MACROD2: variants seen among roughly 807,000 people sequenced by gnomAD.
The protein encoded by MACROD2 is mono-ADP ribosylhydrolase 2.
A neutral mutation model predicts 70.4 loss-of-function variants in MACROD2; 36 were observed. That is an observed-to-expected ratio of 0.51 (90% CI 0.39 to 0.68). The LOEUF (loss-of-function observed/expected upper bound fraction) is 0.68, where lower values mean the gene tolerates loss of function less well. MACROD2 is among the 30% of genes least tolerant of loss of function. The pLI, the probability that MACROD2 is intolerant of heterozygous loss-of-function variation, is 0.00. For synonymous variants in MACROD2, 172 were observed against 178.8 expected, an observed-to-expected ratio of 0.96 and a Z score of 0.30; for missense variants, 496 against 538.4, an observed-to-expected ratio of 0.92 and a Z score of 0.78.
chr20:15,564,825 A>T (rs1383217500), intron 8 of MACROD2, among the ~76,000 whole-genome samples: 1 of 152,216 alleles, frequency 6.6e-6, no homozygotes, highest in Admixed American at 6.5e-5. Flanking sequence ...TTGAACAATG[A>T]CAATAAGTTA....
At chr20:15,048,185 A>G (rs543561294) in intron 5 of MACROD2, among the ~76,000 whole-genome samples, 1 of 152,222 alleles carries the variant, frequency 6.6e-6, no homozygotes, top group South Asian at 2.1e-4. Context: ...CTGAAGCATG[A>G]GAATTGCTTG....
At position 15,666,068 on chromosome 20, in the gene MACROD2, G is replaced by C. The variant is rs190323775; in HGVS notation, c.645+166221G>C. 2.1e-3 allele frequency among the ~76,000 whole-genome samples: 313 copies of C among 152,166 alleles called. 2 individuals carry two copies. Among genetic ancestry groups the C allele is most frequent in the African/African-American group, 7.0e-3 (289 of 41,508 alleles). On this transcript the variant is annotated intron_variant, in intron 8 of 17. Coordinates refer to ENST00000684519, the MANE Select transcript of MACROD2 (RefSeq NM_001351661.2). The stretch of plus-strand genomic sequence containing the variant: ...AAATGAGTAGCCTTGTAATTAACAA[G>C]GTAGTTAAATTATGTTTTAAATGAA...
At chr20:14,776,013 T>C (rs2123777995) in intron 5 of MACROD2, among the ~76,000 whole-genome samples, 1 of 152,158 alleles carries the variant, frequency 6.6e-6, no homozygotes. Context: ...TCTGGCTGCT[T>C]TGATGCTAGG....
intron 3 of MACROD2, among the ~76,000 whole-genome samples, chr20:14,140,762 G>T (rs990055970): frequency 2.6e-5 from 4 of 152,062 alleles, no homozygotes; most frequent in African/African-American, 9.7e-5. Flanking sequence ...GCATACTAAG[G>T]GAAAATGCAC....
chr20:15,641,616 A>G (rs1422677064), intron 8 of MACROD2, among the ~76,000 whole-genome samples: 1 of 152,186 alleles, frequency 6.6e-6, no homozygotes, highest in East Asian at 1.9e-4. Flanking sequence ...GGCAGCGTGC[A>G]TTTTGGTAGG....
chr20:14,896,633 G>T (rs949734277), intron 5 of MACROD2, among the ~76,000 whole-genome samples: 1 of 149,966 alleles, frequency 6.7e-6, no homozygotes, highest in Non-Finnish European at 1.5e-5. Flanking sequence ...TATGGATTCA[G>T]GTAGATGAGT....
At chr20:14,102,897 A>G (rs1421287867) in intron 3 of MACROD2, among the ~76,000 whole-genome samples, 1 of 152,096 alleles carries the variant, frequency 6.6e-6, no homozygotes, top group Non-Finnish European at 1.5e-5. Context: ...TTGAGCTTCT[A>G]GCTATTAGGA....
chr20:15,040,695 G>A (rs970208624), intron 5 of MACROD2, among the ~76,000 whole-genome samples: 1 of 152,080 alleles, frequency 6.6e-6, no homozygotes, highest in Non-Finnish European at 1.5e-5. Flanking sequence ...TGACCCTATC[G>A]GAACATTGTT....
intron 15 of MACROD2, among the ~76,000 whole-genome samples, chr20:16,021,305 A>G (rs1036039763): frequency 6.6e-6 from 1 of 152,184 alleles, no homozygotes; most frequent in East Asian, 1.9e-4. Flanking sequence ...AGTGACTGCC[A>G]TCTCTCCCTC....
intron 5 of MACROD2, among the ~76,000 whole-genome samples, chr20:15,149,931 G>T (rs1219740288): frequency 6.6e-6 from 1 of 151,996 alleles, no homozygotes; most frequent in Non-Finnish European, 1.5e-5. Context: ...TAGGATCTAT[G>T]GGGTCAGCTA....
intron 5 of MACROD2, among the ~76,000 whole-genome samples, chr20:14,785,462 T>C (rs2072357388): frequency 6.6e-6 from 1 of 152,008 alleles, no homozygotes; most frequent in Non-Finnish European, 1.5e-5. Flanking sequence ...AGTCATATTT[T>C]GAGGGAAGGG....
intron 3 of MACROD2, among the ~76,000 whole-genome samples, chr20:14,206,661 T>G (rs1254987793): frequency 6.6e-6 from 1 of 151,854 alleles, no homozygotes; most frequent in Non-Finnish European, 1.5e-5. Flanking sequence ...TGAGGCTTTT[T>G]TTTTTTTTTA....
intron 8 of MACROD2, among the ~76,000 whole-genome samples, chr20:15,825,487 G>T (rs1249552795): frequency 6.7e-6 from 1 of 149,620 alleles, no homozygotes. Context: ...TGATAAAATG[G>T]TTTTTTTTTG....
At chr20:14,142,141 T>C (rs1174887905) in intron 3 of MACROD2, among the ~76,000 whole-genome samples, 1 of 152,212 alleles carries the variant, frequency 6.6e-6, no homozygotes, top group Non-Finnish European at 1.5e-5. Context: ...ATAAAATCTC[T>C]TTTAGTTTCC....
At chr20:14,653,427 C>T (rs1178240854) in intron 4 of MACROD2, among the ~76,000 whole-genome samples, 2 of 151,886 alleles carry the variant, frequency 1.3e-5, no homozygotes, top group Non-Finnish European at 2.9e-5. Context: ...ACCATGTTAG[C>T]CAGGATGGTC....
At position 15,339,547 on chromosome 20, in the gene MACROD2, A is replaced by C. The variant is rs138913286; in HGVS notation, c.541-91858A>C. ...CCCAGCATGATTGGGGATCCTGAGC[A>C]CTGCTGGAAAAATATTTCTCTAGTA... On this transcript the variant is annotated intron_variant, in intron 6 of 17. Transcript: ENST00000684519. Among the ~76,000 whole-genome samples, 11 of 151,904 alleles carry C rather than the reference A, an allele frequency of 7.2e-5. No individual in the cohort carries two copies. In the East Asian group the frequency reaches 2.1e-3, roughly 29 times the overall value.
chr20:14,665,315 T>A (rs1279012497), intron 4 of MACROD2, among the ~76,000 whole-genome samples: 4 of 151,918 alleles, frequency 2.6e-5, no homozygotes, highest in Non-Finnish European at 5.9e-5. Flanking sequence ...GTATTGCCAG[T>A]TAAGATTTCA....
intron 4 of MACROD2, among the ~76,000 whole-genome samples, chr20:14,587,396 A>G (rs563042112): frequency 1.3e-5 from 2 of 151,688 alleles, no homozygotes; most frequent in African/African-American, 4.8e-5. Flanking sequence ...TCAATGAATT[A>G]ATTATTATTG....
chr20:16,016,581 G>T (rs1435523616), intron 15 of MACROD2, among the ~76,000 whole-genome samples: 3 of 152,166 alleles, frequency 2.0e-5, no homozygotes, highest in Non-Finnish European at 4.4e-5. Flanking sequence ...TGTTGCCCAG[G>T]CTGGAGCACA....
Sources: allele counts gnomAD v4.1 joint callset (sites outside exome capture counted in the v4.1 genomes callset), GRCh38; gene constraint gnomAD v4.1.1; transcripts MANE v1.5; gene names NCBI Gene and HGNC (gene_info 2026-07-23, HGNC 2026-07-21).